GRIN2A: variants seen among roughly 807,000 people sequenced by gnomAD.
GRIN2A encodes glutamate ionotropic receptor NMDA type subunit 2A, also known as glutamate receptor ionotropic, NMDA 2A.
In GRIN2A, 22 loss-of-function variants were observed where a neutral mutation model predicts 113.4. The observed-to-expected ratio is 0.19, with a 90% CI of 0.14 to 0.28. The LOEUF (loss-of-function observed/expected upper bound fraction) is 0.28. Ranked by LOEUF, GRIN2A falls within the 10% of genes least tolerant of loss-of-function variation. GRIN2A has a pLI of 1.00. For synonymous variants in GRIN2A, 827 were observed against 738.4 expected, an observed-to-expected ratio of 1.12 and a Z score of -1.94; for missense variants, 1,502 against 1,887.0, an observed-to-expected ratio of 0.80 and a Z score of 3.78.
At chr16:10,106,200 G>C (rs1054285065) in intron 2 of GRIN2A, among the ~76,000 whole-genome samples, 1 of 139,386 alleles carries the variant, frequency 7.2e-6, no homozygotes, top group Non-Finnish European at 1.6e-5. Flanking sequence ...TTTTTTTTTT[G>C]TTTGGGGAAG....
intron 2 of GRIN2A, among the ~76,000 whole-genome samples, chr16:10,153,887 G>A (rs2049634641): frequency 6.6e-6 from 1 of 152,192 alleles, no homozygotes; most frequent in Admixed American, 6.5e-5. Flanking sequence ...CGTGCTGAAT[G>A]CTGGAGGGGC....
intron 2 of GRIN2A, among the ~76,000 whole-genome samples, chr16:10,101,013 C>T (rs148326646): frequency 6.6e-6 from 1 of 152,308 alleles, no homozygotes; most frequent in African/African-American, 2.4e-5. Flanking sequence ...GGCTTCAGAG[C>T]CCTCAGGATT....
chr16:10,114,811 C>G (rs1231102250), intron 2 of GRIN2A, among the ~76,000 whole-genome samples: 1 of 152,220 alleles, frequency 6.6e-6, no homozygotes, highest in Admixed American at 6.5e-5. Context: ...AGAATTTATG[C>G]TTCATTTAAT....
intron 2 of GRIN2A, among the ~76,000 whole-genome samples, chr16:10,098,938 C>G (rs1296959811): frequency 7.9e-6 from 1 of 126,878 alleles, no homozygotes; most frequent in Non-Finnish European, 1.9e-5. Context: ...CCCCCTCCCC[C>G]CCCCAAAAAA....
intron 11 of GRIN2A, among the ~76,000 whole-genome samples, chr16:9,794,037 G>A (rs893545084): frequency 2.6e-5 from 4 of 152,186 alleles, no homozygotes; most frequent in East Asian, 1.9e-4. Flanking sequence ...GTTGGGTATC[G>A]ATGCTGAGCA....
intron 2 of GRIN2A, among the ~76,000 whole-genome samples, chr16:9,986,068 T>A (rs1222476447): frequency 6.6e-6 from 1 of 152,152 alleles, no homozygotes; most frequent in African/African-American, 2.4e-5. Context: ...TATATACATA[T>A]ACAATGGAAT....
chr16:10,113,807 A>G lies in GRIN2A; in HGVS notation c.414+66191T>C, dbSNP rs146241694. 2.7e-3 allele frequency among the ~76,000 whole-genome samples: 413 copies of G among 152,348 alleles called. 1 individual carries two copies. The highest frequency in any genetic ancestry group is 4.5e-3 in the Non-Finnish European group (307 of 68,032). The stretch of plus-strand genomic sequence containing the variant: ...GCCATTATTGTTTAATATGTGTGAC[A>G]GCGTTATTGAGTTGAAAATAAAATA... On this transcript the variant is annotated intron_variant, in intron 2 of 12. Coordinates refer to ENST00000330684, the MANE Select transcript of GRIN2A (RefSeq NM_001134407.3).
intron 3 of GRIN2A, among the ~76,000 whole-genome samples, chr16:9,914,806 C>A (rs923357276): frequency 2.0e-5 from 3 of 147,620 alleles, no homozygotes; most frequent in African/African-American, 7.5e-5. Context: ...AAGCATTGTG[C>A]TACAAGACAG....
At chr16:9,966,890 C>T (rs1034525998) in intron 2 of GRIN2A, among the ~76,000 whole-genome samples, 1 of 152,108 alleles carries the variant, frequency 6.6e-6, no homozygotes, top group Non-Finnish European at 1.5e-5. Flanking sequence ...TGATGCTGGT[C>T]CAGAAACCAC....
chr16:10,060,518 A>G (rs191760175), intron 2 of GRIN2A, among the ~76,000 whole-genome samples: 1 of 152,338 alleles, frequency 6.6e-6, no homozygotes, highest in Non-Finnish European at 1.5e-5. Flanking sequence ...TTCCTCTGAT[A>G]TCCATTGTTC....
intron 3 of GRIN2A, among the ~76,000 whole-genome samples, chr16:9,924,694 G>A (rs773700526): frequency 8.6e-5 from 9 of 104,840 alleles, no homozygotes; most frequent in East Asian, 4.5e-4. Context: ...ATCCTCAGTC[G>A]TGCTCAATGC....
At chr16:10,059,651 C>G (rs561357859) in intron 2 of GRIN2A, among the ~76,000 whole-genome samples, 8 of 148,140 alleles carry the variant, frequency 5.4e-5, no homozygotes, top group African/African-American at 1.5e-4. Flanking sequence ...AGAGGAAGGA[C>G]TTTTGACTTT....
chr16:9,800,718 G>A (rs1596430064), intron 10 of GRIN2A, among the ~76,000 whole-genome samples: 1 of 152,168 alleles, frequency 6.6e-6, no homozygotes, highest in East Asian at 1.9e-4. Context: ...TAGGCTCTGA[G>A]AGTATTAAAG....
intron 2 of GRIN2A, among the ~76,000 whole-genome samples, chr16:10,019,180 A>C (rs2046668616): frequency 6.6e-6 from 1 of 152,134 alleles, no homozygotes; most frequent in East Asian, 1.9e-4. Context: ...ACACTTCATT[A>C]GTAAAATAAG....
At chr16:9,899,546 G>A (rs79770264) in intron 3 of GRIN2A, among the ~76,000 whole-genome samples, 4,097 of 143,088 alleles carry the variant, frequency 0.029, 191 homozygotes, top group African/African-American at 0.1. Context: ...GAAACAGAAA[G>A]AAGAAAAGGA....
At chr16:9,939,956 G>T (rs189235786) in intron 2 of GRIN2A, among the ~76,000 whole-genome samples, 1 of 151,660 alleles carries the variant, frequency 6.6e-6, no homozygotes, top group Non-Finnish European at 1.5e-5. Context: ...TTTATTTTGC[G>T]TTCTGTATTT....
intron 10 of GRIN2A, among the ~76,000 whole-genome samples, chr16:9,809,535 G>T (rs2042045425): frequency 6.6e-6 from 1 of 151,738 alleles, no homozygotes; most frequent in African/African-American, 2.4e-5. Flanking sequence ...CCAAAGGAAT[G>T]CTTATCTGTA....
chr16:10,084,996 G>A (rs1016774315), intron 2 of GRIN2A, among the ~76,000 whole-genome samples: 2 of 152,180 alleles, frequency 1.3e-5, no homozygotes, highest in African/African-American at 4.8e-5. Context: ...AGGGCCTTAT[G>A]TATATTAACT....
intron 4 of GRIN2A, among the ~76,000 whole-genome samples, chr16:9,861,469 C>T (rs192054743): frequency 9.3e-4 from 142 of 152,336 alleles, no homozygotes; most frequent in African/African-American, 3.2e-3. Context: ...CACAAACAAA[C>T]CGATCACAGG....
Sources: gnomAD v4.1 joint callset for allele counts (sites outside exome capture counted in the v4.1 genomes callset) on GRCh38, gnomAD v4.1.1 for gene constraint, MANE v1.5 for transcripts, NCBI Gene and HGNC (gene_info 2026-07-23, HGNC 2026-07-21) for gene names.